TENM1: variants seen among roughly 807,000 people sequenced by gnomAD.
The protein encoded by TENM1 is teneurin transmembrane protein 1.
Under a neutral mutation model 174.8 loss-of-function variants are expected in TENM1, and 35 were observed. The observed-to-expected ratio is 0.20, with a 90% CI of 0.15 to 0.27. The LOEUF is 0.27. TENM1 is among the 10% of genes least tolerant of loss of function. TENM1 has a pLI of 1.00. For missense variants in TENM1, 1,633 were observed against 2,130.1 expected, an observed-to-expected ratio of 0.77 and a Z score of 4.59; for synonymous variants, 781 against 798.7, an observed-to-expected ratio of 0.98 and a Z score of 0.37.
chrX:124,758,792 C>T (rs1569430730), intron 3 of TENM1, among the ~76,000 whole-genome samples: 1 of 111,747 alleles, frequency 8.9e-6, no homozygotes. Context: ...AGGACAAATA[C>T]TACATAATAC....
chrX:124,837,249 C>T (rs951915813), intron 3 of TENM1, among the ~76,000 whole-genome samples: 3 of 111,598 alleles, frequency 2.7e-5, no homozygotes, highest in African/African-American at 9.8e-5. Flanking sequence ...CCACCATGCC[C>T]GGCTAATTTC....
intron 3 of TENM1, among the ~76,000 whole-genome samples, chrX:124,825,597 A>C (rs1156678462): frequency 8.9e-6 from 1 of 112,361 alleles, no homozygotes; most frequent in Non-Finnish European, 1.9e-5. Context: ...TTGAAAATAA[A>C]GAAAAGAAGC....
chrX:124,844,530 G>A (rs1220811161), intron 3 of TENM1, among the ~76,000 whole-genome samples: 1 of 111,031 alleles, frequency 9.0e-6, no homozygotes, highest in Non-Finnish European at 1.9e-5. Context: ...GGAGGGGAAG[G>A]GGTGATCATA....
the TENM1 span, among the ~76,000 whole-genome samples, chrX:125,139,111 T>C: frequency 8.9e-6 from 1 of 112,045 alleles, no homozygotes; most frequent in East Asian, 2.8e-4. Context: ...GGGATACCAA[T>C]GTTGACTAAC....
chrX:124,535,150 A>C (rs1287904462), intron 15 of TENM1, among the ~76,000 whole-genome samples: 1 of 111,751 alleles, frequency 8.9e-6, no homozygotes, highest in Non-Finnish European at 1.9e-5. Context: ...TTATTGAAAC[A>C]CAGATTGCTG....
chrX:124,393,189 T>C (rs1229266856), intron 27 of TENM1, among the ~76,000 whole-genome samples: 1 of 110,478 alleles, frequency 9.1e-6, no homozygotes, highest in Non-Finnish European at 1.9e-5. Context: ...CAACGGTGCC[T>C]GACTGATAAA....
chrX:124,451,867 T>C (rs1235006673), intron 23 of TENM1, among the ~76,000 whole-genome samples: 1 of 111,628 alleles, frequency 9.0e-6, no homozygotes, highest in Non-Finnish European at 1.9e-5. Flanking sequence ...ATACAAAAAT[T>C]AATTCAAGAT....
At chrX:124,387,982 C>G (rs750567221) in intron 28 of TENM1, among the ~76,000 whole-genome samples, 20 of 112,113 alleles carry the variant, frequency 1.8e-4, no homozygotes, top group Non-Finnish European at 3.2e-4. Context: ...TTCAATAGAA[C>G]CAGCAAGAAA....
intron 3 of TENM1, among the ~76,000 whole-genome samples, chrX:124,817,211 C>T (rs1168308609): frequency 9.0e-6 from 1 of 111,314 alleles, no homozygotes; most frequent in African/African-American, 3.3e-5. Flanking sequence ...CTGCAAAGGA[C>T]ATGAACTCAT....
chrX:124,878,695 C>T (rs1241662214), intron 3 of TENM1, among the ~76,000 whole-genome samples: 4 of 111,532 alleles, frequency 3.6e-5, no homozygotes, highest in Non-Finnish European at 3.8e-5. Flanking sequence ...AAATAAACCT[C>T]TTTTCTTTGT....
At chrX:124,641,627 G>A (rs562067196) in intron 11 of TENM1, among the ~76,000 whole-genome samples, 164 bp downstream of exon 14, 5 of 111,991 alleles carry the variant, frequency 4.5e-5, no homozygotes, top group South Asian at 3.7e-4. Context: ...AGGTAACAGC[G>A]TATTATAAAT....
rs1229012854 is a variant in TENM1, at chrX:124,617,914, G to A, written c.2077+23877C>T. Among the ~76,000 whole-genome samples, 3 of 111,222 alleles carry A rather than the reference G, an allele frequency of 2.7e-5. No individual in the cohort carries two copies. In the Admixed American group the frequency reaches 2.9e-4, roughly 11 times the overall value. Reference sequence around the variant, plus strand: ...AATGAAAGAGAGGGTTAAATGAAGGGAAAAGAATACCCAGACTCCATTCAT... The same window carrying A: ...AATGAAAGAGAGGGTTAAATGAAGGAAAAAGAATACCCAGACTCCATTCAT... On this transcript the variant is annotated intron_variant, in intron 11 of 31. Transcript: ENST00000422452.
rs550768743 is a variant in TENM1 at position 124,775,679 on chromosome X, G to A, written c.536-38482C>T. On this transcript the variant is annotated intron_variant, in intron 3 of 31. Coordinates refer to ENST00000422452, the Ensembl canonical transcript of TENM1. The stretch of plus-strand genomic sequence containing the variant: ...GTTATTTAACAACTATAAAAGAAAA[G>A]CCAAAAGTGTCACAGAGAAGCTGAC... Among the ~76,000 whole-genome samples the A allele has an allele frequency of 5.4e-5, 6 of 111,958 alleles. No homozygotes were observed. In the South Asian group the frequency reaches 2.3e-3, roughly 42 times the overall value.
At chrX:124,860,995 T>A (rs2147438145) in intron 3 of TENM1, among the ~76,000 whole-genome samples, 1 of 111,541 alleles carries the variant, frequency 9.0e-6, no homozygotes, top group South Asian at 3.7e-4. Context: ...AATGACAGTA[T>A]TAGTTTGATA....
At chrX:124,951,204 T>C (rs1169894896) in intron 1 of TENM1, among the ~76,000 whole-genome samples, 2 of 112,141 alleles carry the variant, frequency 1.8e-5, no homozygotes, top group African/African-American at 6.5e-5. Context: ...TTAATTGGAA[T>C]ATCTACATTT....
the TENM1 span, among the ~76,000 whole-genome samples, chrX:125,104,682 T>C: frequency 9.1e-6 from 1 of 110,402 alleles, no homozygotes; most frequent in African/African-American, 3.3e-5. Context: ...AATATCAGCA[T>C]ACAGAATATT....
chrX:125,011,747 A>C, the TENM1 span, among the ~76,000 whole-genome samples: 1 of 111,696 alleles, frequency 9.0e-6, no homozygotes. Flanking sequence ...TTGGAATGTA[A>C]ATTAGTTTAA....
intron 11 of TENM1, among the ~76,000 whole-genome samples, chrX:124,628,663 A>C (rs938298470): frequency 7.2e-5 from 8 of 111,415 alleles, no homozygotes; most frequent in African/African-American, 2.6e-4. Context: ...GGACACTGTG[A>C]ATTACATAAT....
chrX:125,050,398 GA>G, the TENM1 span, among the ~76,000 whole-genome samples: 1 of 109,320 alleles, frequency 9.1e-6, no homozygotes, highest in African/African-American at 3.3e-5. Flanking sequence ...ACCTATGAGT[GA>G]GAACATGTGG....
Sources: allele counts gnomAD v4.1 joint callset (sites outside exome capture counted in the v4.1 genomes callset), GRCh38; gene constraint gnomAD v4.1.1; transcripts MANE v1.5; gene names NCBI Gene and HGNC (gene_info 2026-07-23, HGNC 2026-07-21).